EIF3L: variants seen among roughly 807,000 people sequenced by gnomAD.
EIF3L encodes the protein eukaryotic translation initiation factor 3 subunit L, also known as eIEF associated protein HSPC021.
Under a neutral mutation model 74.6 loss-of-function variants are expected in EIF3L, and 32 were observed. The observed-to-expected ratio is 0.43, with a 90% CI of 0.32 to 0.58. EIF3L has a LOEUF of 0.58. Ranked by LOEUF, EIF3L falls within the 20% of genes least tolerant of loss-of-function variation. The pLI is 0.06. For synonymous variants in EIF3L, 256 were observed against 254.4 expected, an observed-to-expected ratio of 1.01 and a Z score of -0.06; for missense variants, 474 against 707.8, an observed-to-expected ratio of 0.67 and a Z score of 3.75.
rs138761161 is a variant in EIF3L at position 37,866,440 on chromosome 22, C to T, written c.579+3095C>T. 6.3e-4 allele frequency among the ~76,000 whole-genome samples: 96 copies of T among 152,198 alleles called. 1 individual carries two copies. In the East Asian group the frequency reaches 0.016, roughly 26 times the overall value. On this transcript the variant is annotated intron_variant, in intron 7 of 12. Coordinates refer to ENST00000652021, the MANE Select transcript of EIF3L (RefSeq NM_016091.4). ...CCTAGAAGTAGAATTGTGGATTGAA[C>T]GATACTTGCTTTTTAAGTTTTTTTA...
intron 3 of EIF3L, among the ~76,000 whole-genome samples, chr22:37,853,519 C>CA (rs1925339581): frequency 6.6e-6 from 1 of 152,160 alleles, no homozygotes; most frequent in Non-Finnish European, 1.5e-5. Context: ...CCTATAGTCC[C>CA]AGCTAGTTGG....
intron 8 of EIF3L, among the ~76,000 whole-genome samples, chr22:37,873,444 C>T (rs1926584014): frequency 6.6e-6 from 1 of 151,426 alleles, no homozygotes; most frequent in African/African-American, 2.4e-5. Context: ...GCTACAGGCG[C>T]CCACCACCAT....
In EIF3L at chr22:37,889,124, A is replaced by T. The variant is rs928884044; in HGVS notation, c.*660A>T. 3 of 151,768 alleles carry T rather than the reference A, an allele frequency of 2.0e-5. No individual in the cohort carries two copies. The highest frequency in any genetic ancestry group is 7.3e-5 in the African/African-American group (3 of 41,286). 9.4% of individuals were successfully genotyped at this position (151,768 alleles called of 1,614,324 possible). A position where few individuals can be genotyped will look rare whatever the true frequency, so the allele number is the denominator to read the frequency against. On this transcript the variant is annotated 3_prime_UTR_variant, in exon 13 of 13. Transcript: ENST00000652021. ...GAGTGTACTGGCGCGATCTCGGCTC[A>T]CTGCAAGCTCCACCTCCCAGGTTCC...
intron 1 of EIF3L, 197 bp from the exon 2 acceptor site, chr22:37,849,818 C>T (rs1193286695): frequency 1.6e-6 from 1 of 638,226 alleles, no homozygotes; most frequent in African/African-American, 1.8e-5. Flanking sequence ...TGCTCCACCT[C>T]ATTGCACCCG....
intron 5 of EIF3L, among the ~76,000 whole-genome samples, chr22:37,860,387 C>A (rs371303582): frequency 9.4e-4 from 143 of 152,342 alleles, no homozygotes; most frequent in African/African-American, 3.2e-3. Context: ...CGGAGTCTCG[C>A]TCTGTCATCC....
At chr22:37,865,154 C>G (rs916187986) in intron 7 of EIF3L, among the ~76,000 whole-genome samples, 1 of 151,966 alleles carries the variant, frequency 6.6e-6, no homozygotes, top group Non-Finnish European at 1.5e-5. Flanking sequence ...TCCAGGAGTT[C>G]GAGAAATAGA....
intron 9 of EIF3L, among the ~76,000 whole-genome samples, chr22:37,875,132 G>A (rs1926676521): frequency 6.6e-6 from 1 of 151,270 alleles, no homozygotes; most frequent in South Asian, 2.1e-4. Context: ...AGTTTGGGAG[G>A]CTGAGGCAGG....
intron 8 of EIF3L, 81 bp from the exon 9 acceptor site, chr22:37,874,289 C>T (rs377107650): frequency 1.4e-5 from 20 of 1,442,738 alleles, no homozygotes; most frequent in East Asian, 9.8e-5. Flanking sequence ...AGGTGAGATG[C>T]CTACTGAGTA....
intron 8 of EIF3L, among the ~76,000 whole-genome samples, chr22:37,873,876 T>C (rs1279829322): frequency 6.6e-6 from 1 of 152,158 alleles, no homozygotes. Context: ...GACTAGTTCT[T>C]TTAGTGCAAA....
At chr22:37,868,634 C>CTTTTTTTTTTTTTT (rs71195065) in intron 7 of EIF3L, among the ~76,000 whole-genome samples, 4 of 25,132 alleles carry the variant, frequency 1.6e-4, no homozygotes, top group Non-Finnish European at 2.3e-4. Context: ...TGTTTTGGTG[C>CTTTTTTTTTTTTTT]TTTTTTTTTT....
rs752806930 is a variant in EIF3L at position 37,875,954 on chromosome 22, C to A, written c.1020C>A (p.Leu340=). 2.5e-6 allele frequency: 4 copies of A among 1,614,004 alleles called. No homozygotes were observed. The highest frequency in any genetic ancestry group is 3.4e-6 in the Non-Finnish European group (4 of 1,180,036). The change falls in exon 10 of 13, where the codon CTC becomes CTA. Residue 340 remains leucine, a synonymous_variant. Transcript: ENST00000652021. ...QDAIRVFANI[L]LYIQRTKSMF... Reference sequence around the variant, plus strand: ...CCATCCGGGTCTTCGCCAACATCCTCCTCTACATCCAGAGGACCAAGAGCA... The same window carrying A: ...CCATCCGGGTCTTCGCCAACATCCTACTCTACATCCAGAGGACCAAGAGCA...
rs1601768140 is a variant in EIF3L at position 37,867,853 on chromosome 22, G to A, written c.580-2323G>A. 2.0e-5 allele frequency among the ~76,000 whole-genome samples: 3 copies of A among 150,804 alleles called. No individual in the cohort carries two copies. The East Asian group carries it at 6.0e-4, about 30-fold the overall frequency. On this transcript the variant is annotated intron_variant, in intron 7 of 12. Coordinates refer to ENST00000652021, the MANE Select transcript of EIF3L (RefSeq NM_016091.4). ...GCCTGTAGTCCCAGCTACTCAGGAG[G>A]CTGAGGCAGGAGAATGGCGTGAACC... is the stretch of plus-strand genomic sequence containing the variant.
At chr22:37,858,006 A>ACT (rs1925626241) in intron 4 of EIF3L, among the ~76,000 whole-genome samples, 1 of 151,846 alleles carries the variant, frequency 6.6e-6, no homozygotes, top group Non-Finnish European at 1.5e-5. Context: ...CCCCTTCTCT[A>ACT]CAAAAAATTT....
intron 3 of EIF3L, among the ~76,000 whole-genome samples, chr22:37,854,988 A>G (rs1925424349): frequency 6.8e-6 from 1 of 147,340 alleles, no homozygotes; most frequent in South Asian, 2.1e-4. Context: ...ATGTTGGACT[A>G]AAAGAGCCAG....
intron 9 of EIF3L, among the ~76,000 whole-genome samples, chr22:37,874,895 A>ATTTTTTTTTTTTTTTTTTTTTTTTTTT (rs35994639): frequency 8.8e-6 from 1 of 113,490 alleles, no homozygotes. Flanking sequence ...TGCCCAGCTA[A>ATTTTTTTTTTTTTTTTTTTTTTTTTTT]TTTTTTTTTT....
chr22:37,858,801 T>C, intron 5 of EIF3L, 61 bp downstream of exon 5: 1 of 1,444,548 alleles, frequency 6.9e-7, no homozygotes, highest in Middle Eastern at 1.7e-4. Context: ...TGTGCTGTTT[T>C]TGTCCCTAGA....
At chr22:37,874,548 CTCT>C in intron 9 of EIF3L, 24 bp downstream of exon 9, 1 of 1,605,010 alleles carries the variant, frequency 6.2e-7, no homozygotes, top group South Asian at 1.1e-5. Context: ...CCTCTGGCCC[CTCT>C]TGCCAGAGCC....
Position 37,888,459 on chromosome 22 carries a change from C to A in EIF3L, c.1690C>A (p.Pro564Thr), listed in dbSNP as rs965546316. The A allele has an allele frequency of 6.2e-7, 1 of 1,613,726 alleles. No individual in the cohort carries two copies. The highest frequency in any genetic ancestry group is 8.5e-7 in the Non-Finnish European group (1 of 1,179,976). The change falls in exon 13 of 13, where the codon CCT becomes ACT. Residue 564 changes from proline to threonine, a missense_variant. This residue lies in a region of EIF3L where 293 missense variants were observed against 469.1 expected (regional missense o/e 0.62). Transcript: ENST00000652021. ...AACCCTGAAGAAGATGGGACAGAGA[C>A]CTTGATGATATTCACACACATTCAG... is the stretch of plus-strand genomic sequence containing the variant. ...NRTLKKMGQRP is the reference protein window; with the variant it reads ...NRTLKKMGQRT
Position 37,849,466 on chromosome 22 carries a change from A to G in EIF3L, c.17A>G (p.Asp6Gly). 1 of 1,611,860 alleles carries G rather than the reference A, an allele frequency of 6.2e-7. No homozygotes were observed. The highest frequency in any genetic ancestry group is 8.5e-7 in the Non-Finnish European group (1 of 1,178,780). The change falls in exon 1 of 13, where the codon GAT becomes GGT. Residue 6 changes from aspartate to glycine, a missense_variant. Physicochemically the swap from Asp to Gly is moderately conservative, Grantham distance 94. Around this residue, in one of 4 missense-constraint regions of EIF3L, gnomAD observed 39 missense variants for 24.2 expected, o/e 1.61. Coordinates refer to ENST00000652021, the MANE Select transcript of EIF3L (RefSeq NM_016091.4). ...GAGGCAGCCATGTCTTATCCCGCTG[A>G]TGATTATGAGTCTGAGGTAAGGTGG... MSYPA[D>G]DYESEAAYDP... is the part of the protein sequence containing the mutation.
Sources: gnomAD v4.1 joint callset for allele counts (sites outside exome capture counted in the v4.1 genomes callset) on GRCh38, gnomAD v4.1.1 for gene constraint, gnomAD v4.1.1 regional missense constraint, MANE v1.5 for transcripts, NCBI Gene and HGNC (gene_info 2026-07-23, HGNC 2026-07-21) for gene names.